ARMH1: variants seen among roughly 807,000 people sequenced by gnomAD.
ARMH1 encodes the protein armadillo-like helical domain containing protein 1.
ARMH1 carries 34 observed loss-of-function variants against 50.2 expected under a neutral mutation model. The observed-to-expected ratio is 0.68, with a 90% CI of 0.51 to 0.90. The LOEUF is 0.90. ARMH1 is among the 40% of genes least tolerant of loss of function. The pLI is 0.00. For synonymous variants in ARMH1, 221 were observed against 224.2 expected (o/e 0.99, Z 0.13); for missense variants, 538 against 553.9 (o/e 0.97, Z 0.29).
intron 1 of ARMH1, among the ~76,000 whole-genome samples, chr1:44,685,381 T>C (rs1487703617): frequency 6.6e-6 from 1 of 150,936 alleles, no homozygotes; most frequent in Non-Finnish European, 1.5e-5. Context: ...GGATCATAGA[T>C]CACTGCAGCC....
At chr1:44,697,391 G>T (rs898250485) in intron 3 of ARMH1, among the ~76,000 whole-genome samples, 1 of 152,104 alleles carries the variant, frequency 6.6e-6, no homozygotes, top group African/African-American at 2.4e-5. Context: ...CCTCTCGGTT[G>T]TGAATTACAG....
rs1261594596 is a variant in ARMH1, at chr1:44,725,000, C to T, written c.1129-136C>T. ...CTGGCGTAGGCTCCTCCACCCGCCACCTTCCTGTTCCCTTTCCTGCCCTTT... is the reference window on the plus strand; with the variant it reads ...CTGGCGTAGGCTCCTCCACCCGCCATCTTCCTGTTCCCTTTCCTGCCCTTT... On this transcript the variant is annotated intron_variant, in intron 10 of 11. Transcript: ENST00000535358. The surrounding 1 kb of genome is among the most constrained non-coding windows in gnomAD (Gnocchi z 6.4). 4 of 1,505,612 alleles carry T rather than the reference C, an allele frequency of 2.7e-6. No homozygotes were observed. Among genetic ancestry groups the T allele is most frequent in the Non-Finnish European group, 3.6e-6 (4 of 1,123,982 alleles). 93.3% of individuals were successfully genotyped at this position (1,505,612 alleles called of 1,614,324 possible).
chr1:44,718,435 TG>T (rs750261540), intron 6 of ARMH1, among the ~76,000 whole-genome samples: 33 of 152,216 alleles, frequency 2.2e-4, no homozygotes, highest in Non-Finnish European at 4.1e-4. Flanking sequence ...AGAAATACTT[TG>T]GGGTTTCAGG....
At position 44,724,533 on chromosome 1, in the gene ARMH1, G is replaced by T; in HGVS notation, c.921-6G>T. 1 of 1,506,846 alleles carries T rather than the reference G, an allele frequency of 6.6e-7. No individual in the cohort carries two copies. The allele number at this position is 1,506,846 out of a possible 1,614,324, so 93.3% of individuals were successfully genotyped here. A position where few individuals can be genotyped will look rare whatever the true frequency, so the allele number is the denominator to read the frequency against. ...GGCGTCGCCCCAGCCCGAACCCCCGGCCCAGGGTCCTGGCGCGCAACGACA... is the reference window on the plus strand; with the variant it reads ...GGCGTCGCCCCAGCCCGAACCCCCGTCCCAGGGTCCTGGCGCGCAACGACA... On this transcript the variant is annotated splice_region_variant and splice_polypyrimidine_tract_variant and intron_variant, in intron 8 of 11. Coordinates refer to ENST00000535358, the MANE Select transcript of ARMH1 (RefSeq NM_001145636.2). The surrounding 1 kb of genome is among the most constrained non-coding windows in gnomAD (Gnocchi z 6.4).
At position 44,725,560 on chromosome 1, in the gene ARMH1, C is replaced by CGAA; in HGVS notation, c.*160_*162dup. The CGAA allele has an allele frequency of 1.4e-6, 1 of 706,660 alleles. No homozygotes were observed. The highest frequency in any genetic ancestry group is 2.4e-6 in the Non-Finnish European group (1 of 414,942). 43.8% of individuals were successfully genotyped at this position (706,660 alleles called of 1,614,324 possible). A position where few individuals can be genotyped will look rare whatever the true frequency, so the allele number is the denominator to read the frequency against. ...GGGGCAGAGGAAGAGCCGCTGGCTG[C>CGAA]GAAGAGTCAATAAACAGCCTTGATA... On this transcript the variant is annotated 3_prime_UTR_variant, in exon 12 of 12. Transcript: ENST00000535358.
In ARMH1 at chr1:44,725,561, G is replaced by C. The variant is rs967364618; in HGVS notation, c.*158G>C. On this transcript the variant is annotated 3_prime_UTR_variant, in exon 12 of 12. Coordinates refer to ENST00000535358, the MANE Select transcript of ARMH1 (RefSeq NM_001145636.2). ...GGGCAGAGGAAGAGCCGCTGGCTGC[G>C]AAGAGTCAATAAACAGCCTTGATAC... 5.4e-5 allele frequency: 38 copies of C among 704,480 alleles called. No homozygotes were observed. The highest frequency in any genetic ancestry group is 5.3e-5 in the Admixed American group (2 of 37,458). The allele number at this position is 704,480 out of a possible 1,614,324, so 43.6% of individuals were successfully genotyped here.
intron 6 of ARMH1, among the ~76,000 whole-genome samples, chr1:44,715,741 G>T (rs758612065): frequency 3.9e-5 from 6 of 152,092 alleles, no homozygotes; most frequent in African/African-American, 9.7e-5. Context: ...TGTATTTTTA[G>T]TAAAGACAGG....
At chr1:44,702,617 C>G (rs1646134851) in intron 5 of ARMH1, among the ~76,000 whole-genome samples, 1 of 145,664 alleles carries the variant, frequency 6.9e-6, no homozygotes, top group Non-Finnish European at 1.5e-5. Context: ...GAGGCTGAGG[C>G]AGGAGAATTG....
intron 3 of ARMH1, 136 bp from the exon 4 acceptor site, chr1:44,697,927 G>A (rs754991899): frequency 2.1e-5 from 12 of 567,122 alleles, no homozygotes; most frequent in Admixed American, 1.4e-4. Context: ...TTCCACACTC[G>A]TATCACTTTA....
intron 6 of ARMH1, chr1:44,723,914 C>T (rs556180153): frequency 1.7e-6 from 1 of 573,718 alleles, no homozygotes; most frequent in South Asian, 2.7e-5. Context: ...CAGGTGGGCT[C>T]ACCATCCAAC....
chr1:44,712,682 G>A (rs1242823138), intron 6 of ARMH1, among the ~76,000 whole-genome samples: 1 of 117,152 alleles, frequency 8.5e-6, no homozygotes, highest in Non-Finnish European at 1.8e-5. Flanking sequence ...TTTTTTTTTT[G>A]AGATGGAGTC....
intron 1 of ARMH1, chr1:44,688,415 T>G (rs529341677): frequency 1.2e-4 from 19 of 152,340 alleles, no homozygotes; most frequent in Non-Finnish European, 2.1e-4. Flanking sequence ...CAAATACATG[T>G]GAGGAAATGT....
chr1:44,717,858 G>A (rs6429545), intron 6 of ARMH1, among the ~76,000 whole-genome samples: 3,152 of 152,284 alleles, frequency 0.021, 112 homozygotes, highest in African/African-American at 0.072. Context: ...TAACTAGCAC[G>A]ATATATAAAG....
chr1:44,698,176 A>T lies in ARMH1; in HGVS notation c.389A>T (p.Gln130Leu), dbSNP rs774732336. 5.2e-6 allele frequency: 8 copies of T among 1,552,358 alleles called. No individual in the cohort carries two copies. In the South Asian group the frequency reaches 9.5e-5, roughly 18 times the overall value. Residue 130 changes from glutamine to leucine, a missense_variant, in exon 4 of 12, where the codon CAG (glutamine) becomes CTG (leucine). Gln to Leu is a moderately radical substitution (Grantham distance 113). Coordinates refer to ENST00000535358, the MANE Select transcript of ARMH1 (RefSeq NM_001145636.2). ...EAKKESVKLL[Q>L]VIANSGRTYK... is the part of the protein sequence containing the mutation. ...AAGAAGGAATCTGTCAAACTACTTC[A>T]GGTTATTGCGAACTCTGGCAGGACA...
intron 4 of ARMH1, among the ~76,000 whole-genome samples, chr1:44,698,943 T>C (rs1031650530): frequency 6.6e-6 from 1 of 151,610 alleles, no homozygotes; most frequent in African/African-American, 2.4e-5. Context: ...AGGTCAGAAT[T>C]TGAGACCAGC....
chr1:44,689,773 G>A lies in ARMH1; in HGVS notation c.76G>A (p.Val26Ile). The A allele has an allele frequency of 5.8e-6, 9 of 1,551,978 alleles. No individual in the cohort carries two copies. Among genetic ancestry groups the A allele is most frequent in the Non-Finnish European group, 7.8e-6 (9 of 1,147,058 alleles). Residue 26 changes from valine (V) to isoleucine (I), a missense_variant, in exon 2 of 12, where the codon GTC becomes ATC. Transcript: ENST00000535358. ...ACAGGAGTGGGACAACGCTGGCAAAGTCGCAAGGAGTCACATCCTCGACAA... is the reference window on the plus strand; with the variant it reads ...ACAGGAGTGGGACAACGCTGGCAAAATCGCAAGGAGTCACATCCTCGACAA... The part of the protein sequence containing the change: ...FLQEWDNAGK[V>I]ARSHILDKFI...
At chr1:44,692,442 A>C (rs1231759784) in intron 2 of ARMH1, among the ~76,000 whole-genome samples, 3 of 152,098 alleles carry the variant, frequency 2.0e-5, no homozygotes, top group Non-Finnish European at 4.4e-5. Flanking sequence ...TTACCTGCTT[A>C]ATATCTCTCT....
At chr1:44,719,487 C>T (rs1482499437) in intron 6 of ARMH1, among the ~76,000 whole-genome samples, 4 of 152,184 alleles carry the variant, frequency 2.6e-5, no homozygotes, top group Non-Finnish European at 5.9e-5. Context: ...CCCATCCCTC[C>T]GCCGGTGTTT....
At chr1:44,694,305 C>G (rs999339911) in intron 2 of ARMH1, among the ~76,000 whole-genome samples, 2 of 152,130 alleles carry the variant, frequency 1.3e-5, no homozygotes, top group African/African-American at 4.8e-5. Context: ...CTCAGCCCTC[C>G]AGTTATGGTG....
Sources: allele counts gnomAD v4.1 joint callset (sites outside exome capture counted in the v4.1 genomes callset), GRCh38; gene constraint gnomAD v4.1.1; non-coding constraint Gnocchi (gnomAD v3.1); transcripts MANE v1.5; gene names NCBI Gene and HGNC (gene_info 2026-07-23, HGNC 2026-07-21).